Variants in LARGE1 observed in about 807,000 individuals in gnomAD.
LARGE1 encodes the protein xylosyl- and glucuronyltransferase LARGE1.
A neutral mutation model predicts 87.6 loss-of-function variants in LARGE1; 43 were observed. That is an observed-to-expected ratio of 0.49 (90% CI 0.38 to 0.63). The LOEUF (loss-of-function observed/expected upper bound fraction) is 0.63, where lower values mean the gene tolerates loss of function less well. Among genes scored for constraint, LARGE1 ranks in the 30% least tolerant of loss-of-function variants. The probability of loss-of-function intolerance (pLI) is 0.00; values close to 1 mark genes in which losing one functional copy is unlikely to be tolerated. For synonymous variants in LARGE1, 434 were observed against 394.6 expected (o/e 1.10, Z -1.18); for missense variants, 802 against 1,000.2 (o/e 0.80, Z 2.67).
intron 6 of LARGE1, among the ~76,000 whole-genome samples, chr22:33,543,837 C>T (rs938681712): frequency 3.9e-5 from 6 of 152,196 alleles, no homozygotes; most frequent in South Asian, 2.1e-4. Context: ...GTCCTTAGAA[C>T]GATGAACTGC....
intron 1 of LARGE1, among the ~76,000 whole-genome samples, chr22:33,836,896 A>T (rs2063123548): frequency 6.6e-6 from 1 of 152,144 alleles, no homozygotes; most frequent in African/African-American, 2.4e-5. Context: ...AGAAACAGAG[A>T]CTCAATAAGC....
At chr22:33,082,865 A>C in the LARGE1 span, among the ~76,000 whole-genome samples, 1 of 152,016 alleles carries the variant, frequency 6.6e-6, no homozygotes, top group South Asian at 2.1e-4. Flanking sequence ...CTCTACTAAA[A>C]ATACAAAAAA....
chr22:33,355,827 G>A (rs1940838728), intron 9 of LARGE1, among the ~76,000 whole-genome samples: 1 of 152,068 alleles, frequency 6.6e-6, no homozygotes, highest in Non-Finnish European at 1.5e-5. Context: ...CTTCTTAATA[G>A]AGCCAGTATT....
chr22:33,135,294 T>A, the LARGE1 span, among the ~76,000 whole-genome samples: 4 of 152,208 alleles, frequency 2.6e-5, no homozygotes, highest in Non-Finnish European at 5.9e-5. Context: ...TTTCCCTTGC[T>A]TCTAATAGAA....
chr22:33,859,047 G>A (rs1031977698), intron 1 of LARGE1, among the ~76,000 whole-genome samples: 2 of 151,806 alleles, frequency 1.3e-5, no homozygotes, highest in African/African-American at 2.4e-5. Flanking sequence ...GTAGGGGGTC[G>A]GGGGCTAGGG....
chr22:33,806,094 C>T (rs907068708), intron 1 of LARGE1, among the ~76,000 whole-genome samples: 1 of 152,190 alleles, frequency 6.6e-6, no homozygotes, highest in African/African-American at 2.4e-5. Flanking sequence ...AGCTTCTGCC[C>T]TTTCTCCCTC....
chr22:33,294,118 G>A (rs902081955), intron 12 of LARGE1, among the ~76,000 whole-genome samples: 27 of 152,164 alleles, frequency 1.8e-4, no homozygotes, highest in African/African-American at 5.3e-4. Context: ...CCTACTCCTC[G>A]GGCAGGGGTT....
chr22:33,442,796 T>G (rs1172754544), intron 6 of LARGE1, among the ~76,000 whole-genome samples: 9 of 131,950 alleles, frequency 6.8e-5, no homozygotes, highest in African/African-American at 2.4e-4. Flanking sequence ...ACTGATAGCT[T>G]TTTTTTTTTT....
At chr22:33,635,767 A>G (rs527403617) in intron 3 of LARGE1, among the ~76,000 whole-genome samples, 3 of 152,348 alleles carry the variant, frequency 2.0e-5, no homozygotes, top group South Asian at 4.1e-4. Flanking sequence ...TTTTTAAAAC[A>G]TATGGCAAAT....
chr22:33,327,995 A>G (rs1937389012), intron 10 of LARGE1, among the ~76,000 whole-genome samples: 1 of 152,014 alleles, frequency 6.6e-6, no homozygotes, highest in South Asian at 2.1e-4. Context: ...ACTGATGAAT[A>G]AAACAGATAA....
chr22:33,312,401 C>G (rs1165534481), intron 11 of LARGE1, among the ~76,000 whole-genome samples: 1 of 147,166 alleles, frequency 6.8e-6, no homozygotes, highest in East Asian at 2.0e-4. Context: ...GATTGCAACA[C>G]TGCACTCTGG....
chr22:33,588,858 T>C (rs2078755658), intron 5 of LARGE1, among the ~76,000 whole-genome samples: 3 of 152,228 alleles, frequency 2.0e-5, no homozygotes, highest in Admixed American at 1.3e-4. Context: ...GATTTTTATC[T>C]GGATGACTAC....
chr22:33,611,276 C>CA (rs2079421198), intron 4 of LARGE1, among the ~76,000 whole-genome samples: 2 of 152,210 alleles, frequency 1.3e-5, no homozygotes, highest in Admixed American at 1.3e-4. Context: ...AACAGACACT[C>CA]AACTCCAACC....
intron 9 of LARGE1, among the ~76,000 whole-genome samples, chr22:33,370,766 T>C (rs1157069259): frequency 6.6e-6 from 1 of 150,630 alleles, no homozygotes; most frequent in Non-Finnish European, 1.5e-5. Context: ...TATAGAACAT[T>C]ATTATTGCAT....
the LARGE1 span, among the ~76,000 whole-genome samples, chr22:33,106,766 G>A: frequency 6.6e-6 from 1 of 152,226 alleles, no homozygotes; most frequent in African/African-American, 2.4e-5. Context: ...AAAGTGCTGG[G>A]ATTACAGGCG....
chr22:33,291,342 CA>C (rs1932515414), intron 12 of LARGE1, among the ~76,000 whole-genome samples: 1 of 152,172 alleles, frequency 6.6e-6, no homozygotes, highest in Non-Finnish European at 1.5e-5. Flanking sequence ...AATGGGATTC[CA>C]GTTACTTGCC....
At position 33,180,072 on chromosome 22, in the gene LARGE1, C is replaced by A. The variant is rs188356472; in HGVS notation, c.1731-13240G>T. Among the ~76,000 whole-genome samples the A allele has an allele frequency of 3.3e-5, 5 of 152,294 alleles. No homozygotes were observed. In the East Asian group the frequency reaches 9.6e-4, roughly 29 times the overall value. ...CTCTGGAAGATGCAGCAACAAGGTA[C>A]CATCTTGGTAGTGGAGAGACTGGGC... On this transcript the variant is annotated intron_variant, in intron 11 of 11. Transcript: ENST00000608642.
chr22:33,776,112 T>C (rs1002155516), intron 1 of LARGE1, among the ~76,000 whole-genome samples: 6 of 152,220 alleles, frequency 3.9e-5, no homozygotes, highest in Non-Finnish European at 8.8e-5. Flanking sequence ...GCAAATTCAC[T>C]GTGGTCATCT....
intron 12 of LARGE1, among the ~76,000 whole-genome samples, chr22:33,283,836 G>C (rs929897844): frequency 8.7e-6 from 1 of 114,498 alleles, no homozygotes; most frequent in African/African-American, 3.9e-5. Flanking sequence ...AGAAAGGAAA[G>C]AAAAGAAAAG....
Sources: gnomAD v4.1 joint callset for allele counts (sites outside exome capture counted in the v4.1 genomes callset) on GRCh38, gnomAD v4.1.1 for gene constraint, MANE v1.5 for transcripts, NCBI Gene and HGNC (gene_info 2026-07-23, HGNC 2026-07-21) for gene names.